Variants in SMC5 observed in about 807,000 individuals in gnomAD.
The protein encoded by SMC5 is structural maintenance of chromosomes 5.
In SMC5, 88 loss-of-function variants were observed where a neutral mutation model predicts 148.3. That is an observed-to-expected ratio of 0.59 (90% CI 0.50 to 0.71). The LOEUF is 0.71. SMC5 is among the 30% of genes least tolerant of loss of function. The pLI, the probability that SMC5 is intolerant of heterozygous loss-of-function variation, is 0.00. For missense variants in SMC5, 1,142 were observed against 1,298.9 expected (o/e 0.88, Z 1.86); for synonymous variants, 421 against 432.8 (o/e 0.97, Z 0.34).
chr9:70,343,901 T>C (rs2036591008), intron 17 of SMC5, among the ~76,000 whole-genome samples: 2 of 152,046 alleles, frequency 1.3e-5, no homozygotes, highest in Admixed American at 6.6e-5. Context: ...GGCAGTAAAA[T>C]TTAAATTTTA....
intron 15 of SMC5, among the ~76,000 whole-genome samples, chr9:70,320,447 G>A (rs2035914215): frequency 1.3e-5 from 2 of 152,082 alleles, no homozygotes. Context: ...GGACAAAAAT[G>A]GATGGTTATG....
intron 17 of SMC5, among the ~76,000 whole-genome samples, chr9:70,340,965 T>C (rs1316505765): frequency 1.3e-5 from 2 of 152,182 alleles, no homozygotes; most frequent in Non-Finnish European, 2.9e-5. Flanking sequence ...TACATTTCAC[T>C]CATTTCTTAT....
At chr9:70,259,365 G>C (rs1185855239) in intron 1 of SMC5, 102 bp downstream of exon 1, 2 of 1,260,732 alleles carry the variant, frequency 1.6e-6, no homozygotes, top group African/African-American at 1.5e-5. Context: ...TGTGTACCTG[G>C]CTTGTGGGTC....
chr9:70,267,981 T>C lies in SMC5; in HGVS notation c.380+6T>C. ...GGCATGGTTGAAATTGAATTGTAAG[T>C]GTTAAAAGTGCTAAAACTCCTTTTT... On this transcript the variant is annotated splice_donor_region_variant and intron_variant, in intron 3 of 24. Coordinates refer to ENST00000361138, the MANE Select transcript of SMC5 (RefSeq NM_015110.4). 1 of 1,607,830 alleles carries C rather than the reference T, an allele frequency of 6.2e-7. No homozygotes were observed.
chr9:70,267,983 T>C lies in SMC5; in HGVS notation c.380+8T>C. On this transcript the variant is annotated splice_region_variant and intron_variant, in intron 3 of 24. Coordinates refer to ENST00000361138, the MANE Select transcript of SMC5 (RefSeq NM_015110.4). The stretch of plus-strand genomic sequence containing the variant: ...CATGGTTGAAATTGAATTGTAAGTG[T>C]TAAAAGTGCTAAAACTCCTTTTTCC... 2 of 1,607,126 alleles carry C rather than the reference T, an allele frequency of 1.2e-6. No individual in the cohort carries two copies. The highest frequency in any genetic ancestry group is 1.7e-6 in the Non-Finnish European group (2 of 1,177,186).
At chr9:70,330,807 G>A (rs1024928941) in intron 17 of SMC5, among the ~76,000 whole-genome samples, 1 of 151,974 alleles carries the variant, frequency 6.6e-6, no homozygotes, top group Non-Finnish European at 1.5e-5. Flanking sequence ...GCCTCCCAAA[G>A]GCTAGGTTTA....
chr9:70,351,921 C>A (rs949542737), intron 24 of SMC5, among the ~76,000 whole-genome samples: 5 of 151,978 alleles, frequency 3.3e-5, no homozygotes, highest in African/African-American at 1.2e-4. Flanking sequence ...ACTAAAAATA[C>A]AAAAAGTTAG....
chr9:70,342,961 G>A (rs2036564778), intron 17 of SMC5, among the ~76,000 whole-genome samples: 1 of 152,086 alleles, frequency 6.6e-6, no homozygotes. Context: ...AGGCTGTTAA[G>A]TTGTCATAGC....
At chr9:70,289,195 G>A (rs534000369) in intron 8 of SMC5, among the ~76,000 whole-genome samples, 46 of 152,064 alleles carry the variant, frequency 3.0e-4, no homozygotes, top group Admixed American at 9.2e-4. Context: ...GCACCACCAC[G>A]CCTGGCTAAT....
chr9:70,285,066 C>T (rs1202916656), intron 7 of SMC5, among the ~76,000 whole-genome samples: 1 of 152,086 alleles, frequency 6.6e-6, no homozygotes, highest in African/African-American at 2.4e-5. Flanking sequence ...TAATCTTTAT[C>T]TTACATGATT....
intron 8 of SMC5, 104 bp downstream of exon 8, chr9:70,286,375 C>A: frequency 1.5e-6 from 1 of 673,814 alleles, no homozygotes; most frequent in South Asian, 2.0e-5. Flanking sequence ...GGCCAAGATC[C>A]TCTGCATTCT....
chr9:70,336,919 G>T (rs1405838823), intron 17 of SMC5, among the ~76,000 whole-genome samples: 4 of 152,178 alleles, frequency 2.6e-5, no homozygotes, highest in Non-Finnish European at 5.9e-5. Context: ...GTTCCATATG[G>T]CTGGGGAGGC....
At chr9:70,304,899 T>C (rs938748487) in intron 10 of SMC5, among the ~76,000 whole-genome samples, 1 of 152,036 alleles carries the variant, frequency 6.6e-6, no homozygotes, top group Non-Finnish European at 1.5e-5. Context: ...TAAGAAAATA[T>C]GAAAAGTGTG....
At chr9:70,288,992 G>A (rs1231948212) in intron 8 of SMC5, among the ~76,000 whole-genome samples, 1 of 152,028 alleles carries the variant, frequency 6.6e-6, no homozygotes, top group Non-Finnish European at 1.5e-5. Context: ...ATGTATACTC[G>A]TATGTTCTAC....
At chr9:70,282,624 T>G (rs1243595320) in intron 7 of SMC5, 41 bp downstream of exon 7, 1 of 1,511,828 alleles carries the variant, frequency 6.6e-7, no homozygotes, top group Non-Finnish European at 8.8e-7. Flanking sequence ...GAATTTTATT[T>G]TAGCAAATAT....
chr9:70,301,474 C>T (rs1285134751), intron 10 of SMC5, among the ~76,000 whole-genome samples: 2 of 152,202 alleles, frequency 1.3e-5, no homozygotes, highest in Non-Finnish European at 2.9e-5. Context: ...GCAGTTTACT[C>T]ACCTTTCTAG....
chr9:70,320,545 A>G (rs2035916015), intron 15 of SMC5, among the ~76,000 whole-genome samples: 1 of 152,186 alleles, frequency 6.6e-6, no homozygotes, highest in African/African-American at 2.4e-5. Context: ...TTTATGTTGT[A>G]TTAGGTATTA....
Position 70,335,955 on chromosome 9 carries a change from C to T in SMC5, c.2398-8189C>T, listed in dbSNP as rs543429486. On this transcript the variant is annotated intron_variant, in intron 17 of 24. Coordinates refer to ENST00000361138, the MANE Select transcript of SMC5 (RefSeq NM_015110.4). ...AAGAGTAACATAACATCCATGTGTC[C>T]GCTACCCCTCTTTAACAAATGTTAA... 1.8e-4 allele frequency among the ~76,000 whole-genome samples: 28 copies of T among 152,122 alleles called. 1 individual carries two copies. In the South Asian group the frequency reaches 3.7e-3, roughly 20 times the overall value.
chr9:70,335,344 A>T (rs2036330612), intron 17 of SMC5, among the ~76,000 whole-genome samples: 1 of 152,278 alleles, frequency 6.6e-6, no homozygotes, highest in African/African-American at 2.4e-5. Context: ...AAAATTTGCC[A>T]GGCATGATGG....
Sources: allele counts gnomAD v4.1 joint callset (sites outside exome capture counted in the v4.1 genomes callset), GRCh38; gene constraint gnomAD v4.1.1; transcripts MANE v1.5; gene names NCBI Gene and HGNC (gene_info 2026-07-23, HGNC 2026-07-21).